The following WDFY2 variants were observed in gnomAD, a reference collection of about 807,000 sequenced individuals.
The protein encoded by WDFY2 is WD repeat and FYVE domain-containing protein 2.
WDFY2 carries 36 observed loss-of-function variants against 56.4 expected under a neutral mutation model. That is an observed-to-expected ratio of 0.64 (90% CI 0.49 to 0.84). WDFY2 has a LOEUF of 0.84. Among genes scored for constraint, WDFY2 ranks in the 40% least tolerant of loss-of-function variants. WDFY2 has a pLI of 0.00. For missense variants in WDFY2, 444 were observed against 512.2 expected (o/e 0.87, Z 1.29); for synonymous variants, 176 against 183.7 (o/e 0.96, Z 0.34).
At chr13:51,687,221 A>G (rs1018286817) in intron 3 of WDFY2, among the ~76,000 whole-genome samples, 2 of 151,850 alleles carry the variant, frequency 1.3e-5, no homozygotes, top group South Asian at 2.1e-4. Context: ...AACACCTACT[A>G]TGTGCCAGGC....
intron 1 of WDFY2, among the ~76,000 whole-genome samples, chr13:51,601,066 A>G (rs1359583998): frequency 6.6e-6 from 1 of 152,242 alleles, no homozygotes; most frequent in Non-Finnish European, 1.5e-5. Flanking sequence ...GACAAATTTT[A>G]GCACTGGTGA....
At chr13:51,590,846 G>A (rs1278231360) in intron 1 of WDFY2, 1 of 152,012 alleles carries the variant, frequency 6.6e-6, no homozygotes. Context: ...TTCGGGGCAG[G>A]GAGCCTCTTC....
chr13:51,665,247 T>A (rs980415979), intron 2 of WDFY2, among the ~76,000 whole-genome samples: 7 of 152,208 alleles, frequency 4.6e-5, no homozygotes, highest in Admixed American at 3.3e-4. Flanking sequence ...AAATATTCTT[T>A]CAAAAAGAAT....
intron 2 of WDFY2, among the ~76,000 whole-genome samples, chr13:51,671,578 ATTTG>A (rs745465318): frequency 6.6e-6 from 1 of 151,704 alleles, no homozygotes; most frequent in South Asian, 2.1e-4. Flanking sequence ...GTGTGTGCTA[ATTTG>A]TTTGAGTTCC....
At chr13:51,689,039 A>T (rs894370350) in intron 3 of WDFY2, among the ~76,000 whole-genome samples, 6 of 152,210 alleles carry the variant, frequency 3.9e-5, no homozygotes, top group Non-Finnish European at 2.9e-5. Context: ...CATGAGCAGG[A>T]TATTCCCCAT....
At chr13:51,757,383 A>G (rs1953420727) in intron 10 of WDFY2, among the ~76,000 whole-genome samples, 1 of 152,172 alleles carries the variant, frequency 6.6e-6, no homozygotes, top group African/African-American at 2.4e-5. Flanking sequence ...GTTAAGCCTA[A>G]ATCTTCTAAA....
At chr13:51,596,101 T>C (rs555384409) in intron 1 of WDFY2, among the ~76,000 whole-genome samples, 22 of 152,192 alleles carry the variant, frequency 1.4e-4, no homozygotes, top group African/African-American at 4.8e-4. Context: ...TTAGTGTTCG[T>C]TGGGGGAGAA....
At chr13:51,709,698 A>C (rs550025824) in intron 4 of WDFY2, among the ~76,000 whole-genome samples, 1 of 152,334 alleles carries the variant, frequency 6.6e-6, no homozygotes, top group South Asian at 2.1e-4. Flanking sequence ...AAATGGATAC[A>C]TTCCTGGACA....
chr13:51,681,072 T>C (rs1244915413), intron 3 of WDFY2, among the ~76,000 whole-genome samples: 1 of 152,190 alleles, frequency 6.6e-6, no homozygotes, highest in East Asian at 1.9e-4. Flanking sequence ...ATAACGAGCC[T>C]ATGGGGAACT....
At chr13:51,629,779 G>A (rs548981323) in intron 1 of WDFY2, among the ~76,000 whole-genome samples, 5 of 150,404 alleles carry the variant, frequency 3.3e-5, no homozygotes, top group East Asian at 2.0e-4. Flanking sequence ...CTTCAGTAAC[G>A]GTTCTCTTTA....
rs769258940 is a variant in WDFY2 at position 51,665,277 on chromosome 13, C to T, written c.205+4614C>T. Among the ~76,000 whole-genome samples the T allele has an allele frequency of 5.3e-5, 8 of 152,130 alleles. No homozygotes were observed. The South Asian group carries it at 8.3e-4, about 16-fold the overall frequency. ...AAGAATATCCCCTTGGTGTATCTTA[C>T]GTAGTAGCTGCACATTGCCTGTGAC... On this transcript the variant is annotated intron_variant, in intron 2 of 11. Transcript: ENST00000298125.
chr13:51,619,372 G>A (rs1954683299), intron 1 of WDFY2, among the ~76,000 whole-genome samples: 1 of 151,566 alleles, frequency 6.6e-6, no homozygotes, highest in African/African-American at 2.4e-5. Flanking sequence ...GATCAAGGTT[G>A]CAGTGAGCTG....
intron 1 of WDFY2, chr13:51,590,915 C>G (rs1221536036): frequency 6.6e-6 from 1 of 152,064 alleles, no homozygotes; most frequent in African/African-American, 2.4e-5. Flanking sequence ...AGAAACTAAC[C>G]AGTAAGACCA....
At chr13:51,710,126 G>T (rs1466565946) in intron 4 of WDFY2, among the ~76,000 whole-genome samples, 1 of 152,168 alleles carries the variant, frequency 6.6e-6, no homozygotes, top group Non-Finnish European at 1.5e-5. Context: ...TGCAAGGCTG[G>T]TTCAACATAC....
intron 8 of WDFY2, 42 bp downstream of exon 8, chr13:51,751,457 C>G: frequency 6.5e-7 from 1 of 1,527,140 alleles, no homozygotes; most frequent in African/African-American, 1.4e-5. Flanking sequence ...GTGGTTCTGG[C>G]CCTGCCTCCC....
intron 3 of WDFY2, among the ~76,000 whole-genome samples, chr13:51,687,602 T>C (rs1051072613): frequency 2.0e-5 from 3 of 150,328 alleles, no homozygotes; most frequent in Admixed American, 2.0e-4. Context: ...ACAACGAAAA[T>C]CCTGACTTGA....
chr13:51,612,890 C>T (rs1954531165), intron 1 of WDFY2, among the ~76,000 whole-genome samples: 1 of 152,150 alleles, frequency 6.6e-6, no homozygotes, highest in Non-Finnish European at 1.5e-5. Context: ...CAAATCAGGA[C>T]AGTGTTCAAT....
chr13:51,657,451 A>G (rs940224197), intron 1 of WDFY2, among the ~76,000 whole-genome samples: 3 of 152,092 alleles, frequency 2.0e-5, no homozygotes, highest in Admixed American at 1.3e-4. Context: ...AACATTTCTT[A>G]TAAGGAAGAT....
At chr13:51,592,167 A>G (rs574593343) in intron 1 of WDFY2, 1 of 152,306 alleles carries the variant, frequency 6.6e-6, no homozygotes, top group South Asian at 2.1e-4. Flanking sequence ...AAAGAAAAAA[A>G]TTAGGAATGT....
Sources: gnomAD v4.1 joint callset for allele counts (sites outside exome capture counted in the v4.1 genomes callset) on GRCh38, gnomAD v4.1.1 for gene constraint, MANE v1.5 for transcripts, NCBI Gene and HGNC (gene_info 2026-07-23, HGNC 2026-07-21) for gene names.